The following TCF4 variants were observed in gnomAD, a reference collection of about 807,000 sequenced individuals.
TCF4 encodes the protein SL3-3 enhancer factor 2.
Under a neutral mutation model 82.1 loss-of-function variants are expected in TCF4, and 3 were observed. That is an observed-to-expected ratio of 0.04 (90% CI 0.02 to 0.09). The LOEUF (loss-of-function observed/expected upper bound fraction) is 0.09, where lower values mean the gene tolerates loss of function less well. TCF4 is among the 10% of genes least tolerant of loss of function. The pLI, the probability that TCF4 is intolerant of heterozygous loss-of-function variation, is 1.00. For synonymous variants in TCF4, 276 were observed against 309.6 expected, an observed-to-expected ratio of 0.89 and a Z score of 1.14; for missense variants, 518 against 852.7, an observed-to-expected ratio of 0.61 and a Z score of 4.89.
chr18:55,229,117 G>C (rs1456016606), intron 17 of TCF4, 41 bp from the exon 18 acceptor site: 1 of 1,598,624 alleles, frequency 6.3e-7, no homozygotes, highest in South Asian at 1.1e-5. Context: ...AATGGTGTGG[G>C]GAAAAAGAAG....
intron 3 of TCF4, chr18:55,553,302 G>C (rs1001308048): frequency 1.3e-5 from 2 of 152,116 alleles, no homozygotes; most frequent in African/African-American, 4.8e-5. Flanking sequence ...TCAACATCAA[G>C]ACTCTCAGAG....
intron 3 of TCF4, chr18:55,510,448 A>G: frequency 1.7e-6 from 1 of 598,566 alleles, no homozygotes; most frequent in East Asian, 3.4e-5. Flanking sequence ...ATGCATTTCA[A>G]CCTAGAAGCC....
intron 8 of TCF4, among the ~76,000 whole-genome samples, chr18:55,304,078 A>G (rs2069316390): frequency 6.6e-6 from 1 of 152,198 alleles, no homozygotes. Flanking sequence ...ATTAGCATAA[A>G]GGAAATATAT....
chr18:55,602,153 G>A (rs2097697769), intron 2 of TCF4, among the ~76,000 whole-genome samples: 1 of 152,160 alleles, frequency 6.6e-6, no homozygotes, highest in African/African-American at 2.4e-5. Flanking sequence ...TTAGTTCTCA[G>A]CACCACCCTA....
At chr18:55,496,288 A>T (rs1192076592) in intron 3 of TCF4, 1 of 152,166 alleles carries the variant, frequency 6.6e-6, no homozygotes, top group Non-Finnish European at 1.5e-5. Flanking sequence ...ATAAATTATG[A>T]AGCTTATCTA....
chr18:55,330,283 C>G (rs1241961362), intron 8 of TCF4, among the ~76,000 whole-genome samples: 1 of 147,928 alleles, frequency 6.8e-6, no homozygotes, highest in Non-Finnish European at 1.5e-5. Context: ...CGGGTTCAAG[C>G]AATTATCCTG....
intron 6 of TCF4, among the ~76,000 whole-genome samples, chr18:55,395,399 A>C (rs1380465686): frequency 1.3e-5 from 2 of 152,246 alleles, no homozygotes; most frequent in Non-Finnish European, 2.9e-5. Context: ...TCATAAGAAA[A>C]GAGAAGTTAA....
intron 3 of TCF4, among the ~76,000 whole-genome samples, chr18:55,531,942 G>C (rs1317537533): frequency 6.6e-6 from 1 of 152,134 alleles, no homozygotes; most frequent in African/African-American, 2.4e-5. Flanking sequence ...TCGGCTTCTT[G>C]CTTAAATACA....
chr18:55,396,844 C>T (rs1224184140), intron 6 of TCF4, among the ~76,000 whole-genome samples: 1 of 152,042 alleles, frequency 6.6e-6, no homozygotes, highest in Admixed American at 6.6e-5. Context: ...ATTGTTATGA[C>T]ACTTATATAA....
At chr18:55,592,145 A>G (rs1238806234), upstream of TCF4, among the ~76,000 whole-genome samples, 1 of 152,194 alleles carries the variant, frequency 6.6e-6, no homozygotes, top group Non-Finnish European at 1.5e-5. Context: ...TAAATAAAAA[A>G]GGAGGGGTAG....
chr18:55,509,332 CAG>C (rs2096798914), intron 3 of TCF4, among the ~76,000 whole-genome samples: 1 of 136,038 alleles, frequency 7.4e-6, no homozygotes, highest in Non-Finnish European at 1.7e-5. Flanking sequence ...CTCACACAGA[CAG>C]ACACACACAC....
chr18:55,574,450 G>A (rs1212437035), intron 3 of TCF4, among the ~76,000 whole-genome samples: 3 of 152,042 alleles, frequency 2.0e-5, no homozygotes, highest in Non-Finnish European at 2.9e-5. Context: ...TCAGCCTCCC[G>A]AGTAGCTGAG....
intron 2 of TCF4, among the ~76,000 whole-genome samples, chr18:55,615,634 T>C (rs148469935): frequency 3.2e-3 from 485 of 152,258 alleles, no homozygotes; most frequent in Admixed American, 7.7e-3. Context: ...TCTTTCACTA[T>C]TAAGTGTGAT....
intron 3 of TCF4, among the ~76,000 whole-genome samples, chr18:55,534,502 C>T (rs910507133): frequency 6.6e-6 from 1 of 152,234 alleles, no homozygotes; most frequent in African/African-American, 2.4e-5. Context: ...CCTCCCCTGT[C>T]TGCACTCATC....
At chr18:55,518,834 T>G (rs1233497646) in intron 3 of TCF4, 3 of 152,148 alleles carry the variant, frequency 2.0e-5, no homozygotes, top group Non-Finnish European at 4.4e-5. Flanking sequence ...TGTATTTTTT[T>G]GTGTGTTTTC....
At chr18:55,432,928 A>G (rs1431788315) in intron 5 of TCF4, among the ~76,000 whole-genome samples, 1 of 152,180 alleles carries the variant, frequency 6.6e-6, no homozygotes, top group African/African-American at 2.4e-5. Context: ...AATGATGACA[A>G]TATTTTCCCT....
At chr18:55,255,943 A>G (rs1178757615) in intron 14 of TCF4, among the ~76,000 whole-genome samples, 1 of 152,196 alleles carries the variant, frequency 6.6e-6, no homozygotes, top group African/African-American at 2.4e-5. Flanking sequence ...TGTGTCTAAT[A>G]TAGTAGTCTA....
At chr18:55,321,604 T>A in intron 8 of TCF4, 1 of 1,535,088 alleles carries the variant, frequency 6.5e-7, no homozygotes, top group Non-Finnish European at 8.7e-7. Context: ...GATCACCACC[T>A]AGGATGCTCA....
At chr18:55,350,810 A>C in intron 7 of TCF4, 64 bp downstream of exon 7, 1 of 1,608,670 alleles carries the variant, frequency 6.2e-7, no homozygotes, top group Admixed American at 1.7e-5. Context: ...TATTTTAAAG[A>C]AAGAAAGAAA....
Sources: gnomAD v4.1 joint callset for allele counts (sites outside exome capture counted in the v4.1 genomes callset) on GRCh38, gnomAD v4.1.1 for gene constraint, MANE v1.5 for transcripts, NCBI Gene and HGNC (gene_info 2026-07-23, HGNC 2026-07-21) for gene names.